The following CHN2 variants were observed in gnomAD, a reference collection of about 807,000 sequenced individuals.
CHN2 encodes the protein beta-chimaerin.
Under a neutral mutation model 56.3 loss-of-function variants are expected in CHN2, and 35 were observed. The observed-to-expected ratio is 0.62, with a 90% confidence interval of 0.47 to 0.82. The LOEUF is 0.82. Among genes scored for constraint, CHN2 ranks in the 40% least tolerant of loss-of-function variants. The pLI is 0.00. For missense variants in CHN2, 491 were observed against 580.5 expected (o/e 0.85, Z 1.58); for synonymous variants, 210 against 212.8 (o/e 0.99, Z 0.12).
chr7:29,320,761 G>C (rs1185343390), intron 1 of CHN2, among the ~76,000 whole-genome samples: 2 of 151,930 alleles, frequency 1.3e-5, no homozygotes, highest in Non-Finnish European at 2.9e-5. Flanking sequence ...CTCCTTCCAG[G>C]ATGAGGGAAC....
At chr7:29,474,427 G>A (rs980512868) in intron 6 of CHN2, among the ~76,000 whole-genome samples, 1 of 152,172 alleles carries the variant, frequency 6.6e-6, no homozygotes, top group African/African-American at 2.4e-5. Context: ...TTGGATCAAT[G>A]CACATGAACT....
intron 1 of CHN2, among the ~76,000 whole-genome samples, chr7:29,196,643 A>G (rs1166113451): frequency 2.0e-5 from 3 of 152,246 alleles, no homozygotes; most frequent in African/African-American, 2.4e-5. Context: ...GAGAAAGGAC[A>G]AGGAGCTGGT....
intron 1 of CHN2, among the ~76,000 whole-genome samples, chr7:29,329,949 A>G (rs529086220): frequency 1.7e-4 from 26 of 152,258 alleles, no homozygotes; most frequent in African/African-American, 5.8e-4. Flanking sequence ...GACTATTCAT[A>G]TCTCACCTTT....
intron 1 of CHN2, among the ~76,000 whole-genome samples, chr7:29,207,664 C>T (rs1248267161): frequency 1.3e-5 from 2 of 152,172 alleles, no homozygotes; most frequent in African/African-American, 4.8e-5. Context: ...GCCTGATGCT[C>T]CTGAGTATTA....
chr7:29,214,567 TGTG>T (rs1271334158), intron 1 of CHN2, among the ~76,000 whole-genome samples: 1 of 152,202 alleles, frequency 6.6e-6, no homozygotes, highest in Non-Finnish European at 1.5e-5. Flanking sequence ...CTCATCTTCT[TGTG>T]GTGTCTTTCC....
rs1157740847 is a variant in CHN2 at position 29,340,393 on chromosome 7, G to T, written c.50-14232G>T. ...AAATGCACACTGCCTTCTGCAGGGG[G>T]TTGCTTGGGGGGGGGCCTCAATATT... On this transcript the variant is annotated intron_variant, in intron 1 of 12. Transcript: ENST00000222792. Among the ~76,000 whole-genome samples the T allele has an allele frequency of 2.8e-5, 4 of 140,856 alleles. No individual in the cohort carries two copies. The East Asian group carries it at 6.2e-4, about 22-fold the overall frequency. 92.4% of individuals were successfully genotyped at this position (140,856 alleles called of 152,430 possible). A position where few individuals can be genotyped will look rare whatever the true frequency, so the allele number is the denominator to read the frequency against.
chr7:29,305,819 TCTCCTCCTC>T (rs138186453), intron 1 of CHN2, among the ~76,000 whole-genome samples: 1 of 124,646 alleles, frequency 8.0e-6, no homozygotes, highest in African/African-American at 2.8e-5. Flanking sequence ...TCCTCGTCTT[TCTCCTCCTC>T]CTCCTCCTCC....
chr7:29,457,183 G>T (rs1025561456), intron 6 of CHN2, among the ~76,000 whole-genome samples: 2 of 152,134 alleles, frequency 1.3e-5, no homozygotes, highest in African/African-American at 4.8e-5. Flanking sequence ...ATCAGAGCAG[G>T]TCCTGGATGA....
chr7:29,423,650 T>G (rs566599897), intron 6 of CHN2, among the ~76,000 whole-genome samples: 54 of 152,368 alleles, frequency 3.5e-4, no homozygotes, highest in Admixed American at 7.2e-4. Flanking sequence ...TCTTTTTAAT[T>G]CATTTTAATT....
chr7:29,232,525 T>C (rs189278062), intron 1 of CHN2, among the ~76,000 whole-genome samples: 1 of 152,366 alleles, frequency 6.6e-6, no homozygotes, highest in East Asian at 1.9e-4. Context: ...CAACAGATAC[T>C]ATTTCCTTGT....
At chr7:29,257,583 G>T (rs28607917) in intron 1 of CHN2, among the ~76,000 whole-genome samples, 1 of 152,012 alleles carries the variant, frequency 6.6e-6, no homozygotes, top group Non-Finnish European at 1.5e-5. Flanking sequence ...AGATGTTTTT[G>T]CATCCAATCC....
chr7:29,168,838 T>C (rs555596713), intron 2 of CHN2, among the ~76,000 whole-genome samples: 1 of 152,400 alleles, frequency 6.6e-6, no homozygotes, highest in East Asian at 1.9e-4. Flanking sequence ...ATGTATTATG[T>C]GTGCATGATT....
chr7:29,473,264 A>G (rs1236317032), intron 6 of CHN2, among the ~76,000 whole-genome samples: 1 of 152,168 alleles, frequency 6.6e-6, no homozygotes, highest in East Asian at 1.9e-4. Flanking sequence ...GATTTAGTCA[A>G]TAGCACTGAC....
At chr7:29,502,067 A>G (rs142577583) in intron 9 of CHN2, among the ~76,000 whole-genome samples, 28 of 152,298 alleles carry the variant, frequency 1.8e-4, no homozygotes, top group South Asian at 8.3e-4. Flanking sequence ...ACTGAACTCA[A>G]TCTATGTTAA....
At chr7:29,261,798 T>C (rs1314502234) in intron 1 of CHN2, among the ~76,000 whole-genome samples, 1 of 152,232 alleles carries the variant, frequency 6.6e-6, no homozygotes, top group Non-Finnish European at 1.5e-5. Flanking sequence ...ATATATGGGC[T>C]CTGCCCTCAC....
chr7:29,179,602 A>G (rs1449929942), intron 2 of CHN2, among the ~76,000 whole-genome samples: 1 of 152,256 alleles, frequency 6.6e-6, no homozygotes, highest in Non-Finnish European at 1.5e-5. Flanking sequence ...TTATTTTGCT[A>G]TATATCCTTT....
At position 29,398,358 on chromosome 7, in the gene CHN2, G is replaced by T. The variant is rs753676688; in HGVS notation, c.177-15G>T. 3.2e-6 allele frequency: 5 copies of T among 1,581,588 alleles called. No individual in the cohort carries two copies. The highest frequency in any genetic ancestry group is 3.5e-6 in the Non-Finnish European group (4 of 1,152,488). On this transcript the variant is annotated splice_polypyrimidine_tract_variant and intron_variant, in intron 4 of 12. Coordinates refer to ENST00000222792, the MANE Select transcript of CHN2 (RefSeq NM_004067.4). ...ATGTGGTCTGTTCAGAGCATTGATG[G>T]TCTTGTACCTTCAGGTTTCATGGGA...
In CHN2 at chr7:29,514,260, T is replaced by C. The variant is rs992961013; in HGVS notation, c.*1525T>C. 1 of 152,654 alleles carries C rather than the reference T, an allele frequency of 6.6e-6. No individual in the cohort carries two copies. The highest frequency in any genetic ancestry group is 1.5e-5 in the Non-Finnish European group (1 of 68,044). The allele number at this position is 152,654 out of a possible 1,614,324, so 9.5% of individuals were successfully genotyped here. A position where few individuals can be genotyped will look rare whatever the true frequency, so the allele number is the denominator to read the frequency against. ...TGGTTTTATTTTGTGAAGTGAACAA[T>C]ACTTTGTAATTTATGATAGTGTAAA... On this transcript the variant is annotated 3_prime_UTR_variant, in exon 13 of 13. Transcript: ENST00000222792.
chr7:29,448,127 C>T (rs1232471850), intron 6 of CHN2, among the ~76,000 whole-genome samples: 1 of 152,094 alleles, frequency 6.6e-6, no homozygotes, highest in African/African-American at 2.4e-5. Context: ...GGGATATGGC[C>T]CTTTGAGGTA....
Sources: gnomAD v4.1 joint callset for allele counts (sites outside exome capture counted in the v4.1 genomes callset) on GRCh38, gnomAD v4.1.1 for gene constraint, MANE v1.5 for transcripts, NCBI Gene and HGNC (gene_info 2026-07-23, HGNC 2026-07-21) for gene names.